CCDC146: variants seen among roughly 807,000 people sequenced by gnomAD.
The protein encoded by CCDC146 is coiled-coil domain-containing protein 146.
A neutral mutation model predicts 119.3 loss-of-function variants in CCDC146; 92 were observed. The ratio of observed to expected loss-of-function variants is 0.77; its 90% CI spans 0.65 to 0.92. The LOEUF (loss-of-function observed/expected upper bound fraction) is 0.92, where lower values mean the gene tolerates loss of function less well. CCDC146 is among the 40% of genes least tolerant of loss of function. CCDC146 has a pLI of 0.00. For synonymous variants in CCDC146, 372 were observed against 371.8 expected (o/e 1.00, Z -0.01); for missense variants, 1,000 against 1,103.0 (o/e 0.91, Z 1.32).
chr7:77,225,451 G>T (rs190918467), intron 2 of CCDC146, among the ~76,000 whole-genome samples: 26 of 152,138 alleles, frequency 1.7e-4, no homozygotes, highest in African/African-American at 5.8e-4. Context: ...TACTTGGGAG[G>T]CTGAGGCAGG....
At chr7:77,271,513 GATATATATATATAT>G (rs56661430) in intron 9 of CCDC146, among the ~76,000 whole-genome samples, 1,293 of 71,128 alleles carry the variant, frequency 0.018, 26 homozygotes, top group Middle Eastern at 0.026. Context: ...ACTAATAGGA[GATATATATATATAT>G]ATATATATAT....
At chr7:77,197,641 T>C (rs1019934733) in intron 2 of CCDC146, among the ~76,000 whole-genome samples, 1 of 152,248 alleles carries the variant, frequency 6.6e-6, no homozygotes. Context: ...TTTTATAGCA[T>C]ATATTCCAAA....
intron 1 of CCDC146, among the ~76,000 whole-genome samples, chr7:77,165,978 T>C (rs1307161650): frequency 6.6e-6 from 1 of 152,178 alleles, no homozygotes; most frequent in Non-Finnish European, 1.5e-5. Flanking sequence ...AAATAATAGT[T>C]TTCCAAGCTT....
At chr7:77,282,850 G>A (rs1291125906) in intron 15 of CCDC146, 65 bp downstream of exon 15, 3 of 1,141,920 alleles carry the variant, frequency 2.6e-6, no homozygotes, top group Admixed American at 1.9e-5. Context: ...ATTAGTTTGT[G>A]GGTGAGTTCT....
intron 4 of CCDC146, among the ~76,000 whole-genome samples, chr7:77,253,702 A>C (rs1793122651): frequency 6.6e-6 from 1 of 152,244 alleles, no homozygotes; most frequent in Non-Finnish European, 1.5e-5. Context: ...CATGATGAAT[A>C]CTGTATAGAA....
chr7:77,196,816 G>T lies in CCDC146; in HGVS notation c.156+28992G>T, dbSNP rs1791880411. ...CTTGCCATGTTCTGGTGAAGTTGGT[G>T]CTCCCATCGAGACGTGCCTGCAGCA... On this transcript the variant is annotated intron_variant, in intron 2 of 18. Coordinates refer to ENST00000285871, the MANE Select transcript of CCDC146 (RefSeq NM_020879.3). This position sits in a 1 kb window ranked among gnomAD's most constrained non-coding sequence, Gnocchi z 4.2. 1 of 1,614,088 alleles carries T rather than the reference G, an allele frequency of 6.2e-7. No homozygotes were observed. Among genetic ancestry groups the T allele is most frequent in the Non-Finnish European group, 8.5e-7 (1 of 1,180,010 alleles).
intron 4 of CCDC146, chr7:77,242,383 A>G (rs768717893): frequency 1.0e-6 from 1 of 988,904 alleles, no homozygotes; most frequent in Non-Finnish European, 1.2e-6. Flanking sequence ...CACATATGCA[A>G]ACTTCATCTC....
chr7:77,203,390 T>C (rs1437100300), intron 2 of CCDC146, among the ~76,000 whole-genome samples: 1 of 119,644 alleles, frequency 8.4e-6, no homozygotes, highest in African/African-American at 4.7e-5. Context: ...CAAATGCAAA[T>C]ATCAAGCAAA....
intron 1 of CCDC146, among the ~76,000 whole-genome samples, chr7:77,152,215 A>C (rs1791117789): frequency 6.6e-6 from 1 of 152,188 alleles, no homozygotes; most frequent in Admixed American, 6.5e-5. Flanking sequence ...TCTCCAAATC[A>C]GAGATATTTA....
At chr7:77,153,169 C>A (rs1266720817) in intron 1 of CCDC146, among the ~76,000 whole-genome samples, 1 of 152,092 alleles carries the variant, frequency 6.6e-6, no homozygotes, top group African/African-American at 2.4e-5. Context: ...AAGGGAGGAA[C>A]CTGGCTAACA....
chr7:77,231,518 T>C (rs1308179724), intron 2 of CCDC146, among the ~76,000 whole-genome samples: 1 of 152,112 alleles, frequency 6.6e-6, no homozygotes, highest in African/African-American at 2.4e-5. Context: ...AAGTGGGCAC[T>C]ACTGCCTTCT....
At chr7:77,177,231 A>G (rs1791514082) in intron 2 of CCDC146, among the ~76,000 whole-genome samples, 1 of 152,108 alleles carries the variant, frequency 6.6e-6, no homozygotes, top group Non-Finnish European at 1.5e-5. Context: ...TAGAGTTACT[A>G]ATGAGCTTCT....
In CCDC146 at chr7:77,292,939, T is replaced by C. The variant is rs369331623; in HGVS notation, c.2416-13T>C. On this transcript the variant is annotated splice_polypyrimidine_tract_variant and intron_variant, in intron 17 of 18. Coordinates refer to ENST00000285871, the MANE Select transcript of CCDC146 (RefSeq NM_020879.3). ...TGTATACATAGACTAAGCTTTGGGC[T>C]CTTTAATTCTAGATGAATGGCTATC... The C allele has an allele frequency of 3.7e-6, 6 of 1,611,460 alleles. No individual in the cohort carries two copies. Among genetic ancestry groups the C allele is most frequent in the Middle Eastern group, 1.6e-4 (1 of 6,066 alleles).
In CCDC146 at chr7:77,196,583, G is replaced by A; in HGVS notation, c.156+28759G>A. 6.2e-7 allele frequency: 1 copy of A among 1,614,108 alleles called. No homozygotes were observed. Among genetic ancestry groups the A allele is most frequent in the Non-Finnish European group, 8.5e-7 (1 of 1,179,996 alleles). On this transcript the variant is annotated intron_variant, in intron 2 of 18. Transcript: ENST00000285871. The surrounding 1 kb of genome is among the most constrained non-coding windows in gnomAD (Gnocchi z 4.2). The stretch of plus-strand genomic sequence containing the variant: ...TTTGTTGAAACGTAATGCATCTCCA[G>A]CTGTGCCATTATAGTTACCAACGTG...
chr7:77,152,312 T>G (rs944161310), intron 1 of CCDC146, among the ~76,000 whole-genome samples: 4 of 152,162 alleles, frequency 2.6e-5, no homozygotes, highest in Non-Finnish European at 5.9e-5. Flanking sequence ...CTATAATTAA[T>G]GTCAGAGCCA....
chr7:77,219,380 G>A (rs757837316), intron 2 of CCDC146, among the ~76,000 whole-genome samples: 30 of 152,072 alleles, frequency 2.0e-4, no homozygotes, highest in Non-Finnish European at 5.9e-5. Flanking sequence ...ACCAAGATAA[G>A]CTGAAGAACT....
At chr7:77,287,282 T>A (rs1793864940) in intron 16 of CCDC146, 158 bp from the exon 17 acceptor site, 7 of 693,312 alleles carry the variant, frequency 1.0e-5, no homozygotes, top group Non-Finnish European at 1.7e-5. Flanking sequence ...CCCAGAGGTA[T>A]CTGCAGGGGC....
At chr7:77,129,940 A>T (rs1464043222) in intron 1 of CCDC146, among the ~76,000 whole-genome samples, 2 of 152,104 alleles carry the variant, frequency 1.3e-5, no homozygotes, top group Non-Finnish European at 2.9e-5. Flanking sequence ...TCAACTGTTG[A>T]TGTATCTCAG....
At chr7:77,267,288 T>C (rs3108439) in intron 9 of CCDC146, among the ~76,000 whole-genome samples, 133,631 of 151,714 alleles carry the variant, frequency 0.88, 59,112 homozygotes, top group East Asian at 0.98. Flanking sequence ...CCATCGCGCC[T>C]GGCCCAATAT....
Sources: allele counts gnomAD v4.1 joint callset (sites outside exome capture counted in the v4.1 genomes callset), GRCh38; gene constraint gnomAD v4.1.1; non-coding constraint Gnocchi (gnomAD v3.1); transcripts MANE v1.5; gene names NCBI Gene and HGNC (gene_info 2026-07-23, HGNC 2026-07-21).